ZNF195: variants seen among roughly 807,000 people sequenced by gnomAD.
ZNF195 encodes the protein zinc finger protein 195.
Under a neutral mutation model 19.5 loss-of-function variants are expected in ZNF195, and 11 were observed. The observed-to-expected ratio is 0.57, with a 90% confidence interval of 0.36 to 0.94. The LOEUF (loss-of-function observed/expected upper bound fraction) is 0.94. Ranked by LOEUF, ZNF195 falls within the 40% of genes least tolerant of loss-of-function variation. ZNF195 has a pLI of 0.01. For synonymous variants in ZNF195, 214 were observed against 248.1 expected, an observed-to-expected ratio of 0.86 and a Z score of 1.29; for missense variants, 582 against 709.0, an observed-to-expected ratio of 0.82 and a Z score of 2.03.
rs192970049 is a variant in ZNF195 at position 3,369,197 on chromosome 11, T to C, written c.226+1778A>G. ...GTAATTGTGGTTTTTGCCTTCTAAA[T>C]AGTAAGAAATACTCTTACTTTTGCG... is the stretch of plus-strand genomic sequence containing the variant. On this transcript the variant is annotated intron_variant, in intron 3 of 5. Coordinates refer to ENST00000399602, the MANE Select transcript of ZNF195 (RefSeq NM_001130520.3). 584 of 231,984 alleles carry C rather than the reference T, an allele frequency of 2.5e-3. 3 individuals carry two copies. Among genetic ancestry groups the C allele is most frequent in the African/African-American group, 0.012 (534 of 43,870 alleles). 14.4% of individuals were successfully genotyped at this position (231,984 alleles called of 1,614,324 possible).
chr11:3,364,961 A>ACC (rs1848796192), intron 3 of ZNF195, among the ~76,000 whole-genome samples: 1 of 152,228 alleles, frequency 6.6e-6, no homozygotes, highest in Admixed American at 6.5e-5. Flanking sequence ...ATAAAAAAAA[A>ACC]TTCCATGCAA....
intron 3 of ZNF195, among the ~76,000 whole-genome samples, chr11:3,366,323 T>C (rs1848885288): frequency 6.9e-6 from 1 of 143,954 alleles, no homozygotes; most frequent in African/African-American, 2.5e-5. Context: ...AGCAAATGCA[T>C]AAGCAACAAA....
At chr11:3,377,110 G>C (rs1404787098) in intron 1 of ZNF195, among the ~76,000 whole-genome samples, 1 of 152,168 alleles carries the variant, frequency 6.6e-6, no homozygotes, top group East Asian at 1.9e-4. Flanking sequence ...CTTTTTTCCT[G>C]AAATTGACCT....
intron 1 of ZNF195, chr11:3,377,886 G>GT (rs1849541675): frequency 1.0e-6 from 1 of 988,050 alleles, no homozygotes; most frequent in African/African-American, 1.7e-5. Flanking sequence ...AGACATTCTG[G>GT]TAAGGTGTCT....
chr11:3,362,642 CTTA>C (rs1564916010), intron 3 of ZNF195: 1 of 536,188 alleles, frequency 1.9e-6, no homozygotes, highest in Admixed American at 3.1e-5. Context: ...AGAGTCAAAG[CTTA>C]TTATACAAAG....
chr11:3,366,932 G>A (rs1351530238), intron 3 of ZNF195: 1 of 454,186 alleles, frequency 2.2e-6, no homozygotes, highest in Non-Finnish European at 4.4e-6. Flanking sequence ...GGGTGTGGCG[G>A]TGTGCCCCTG....
Position 3,358,963 on chromosome 11 carries a change from A to G in ZNF195, c.*155T>C. The G allele has an allele frequency of 9.8e-7, 1 of 1,015,242 alleles. No homozygotes were observed. The highest frequency in any genetic ancestry group is 1.3e-6 in the Non-Finnish European group (1 of 774,936). The allele number at this position is 1,015,242 out of a possible 1,614,324, so 62.9% of individuals were successfully genotyped here. On this transcript the variant is annotated 3_prime_UTR_variant, in exon 6 of 6. Coordinates refer to ENST00000399602, the MANE Select transcript of ZNF195 (RefSeq NM_001130520.3). ...AATTGTAACATTTTTTTCAGAAGAA[A>G]TACTCTTGTGTGCTCTGGAGACTTA...
chr11:3,377,066 GAGA>G (rs1454344910), intron 1 of ZNF195, among the ~76,000 whole-genome samples: 1 of 152,060 alleles, frequency 6.6e-6, no homozygotes, highest in East Asian at 1.9e-4. Flanking sequence ...AATCACTCTG[GAGA>G]AGAAAAAGGT....
intron 1 of ZNF195, 115 bp downstream of exon 1, chr11:3,378,923 C>T (rs1263805360): frequency 8.2e-7 from 1 of 1,226,584 alleles, no homozygotes; most frequent in African/African-American, 1.6e-5. Flanking sequence ...GCTGGAGGGG[C>T]CTCGGGTCCG....
chr11:3,362,727 G>C (rs1848692051), intron 3 of ZNF195: 1 of 378,890 alleles, frequency 2.6e-6, no homozygotes, highest in East Asian at 3.6e-5. Flanking sequence ...AATGGCTAAA[G>C]TACATCTTTT....
chr11:3,378,926 C>T (rs1485350956), intron 1 of ZNF195, 112 bp downstream of exon 1: 4 of 1,242,434 alleles, frequency 3.2e-6, no homozygotes, highest in African/African-American at 1.6e-5. Flanking sequence ...GGAGGGGCCT[C>T]GGGTCCGCGG....
At chr11:3,363,344 GAC>G (rs1760424640) in intron 3 of ZNF195, 3 of 152,068 alleles carry the variant, frequency 2.0e-5, no homozygotes, top group African/African-American at 7.2e-5. Context: ...CACAGCAGGA[GAC>G]ACACTCTTCC....
In ZNF195 at chr11:3,359,194, G is replaced by A. The variant is rs771748449; in HGVS notation, c.1814C>T (p.Pro605Leu). The A allele has an allele frequency of 1.2e-6, 2 of 1,613,656 alleles. No individual in the cohort carries two copies. Among genetic ancestry groups the A allele is most frequent in the Non-Finnish European group, 8.5e-7 (1 of 1,179,858 alleles). Residue 605 changes from proline to leucine, a missense_variant, in exon 6 of 6, where the codon CCC (proline) becomes CTC (leucine). Physicochemically the swap from Pro to Leu is moderately conservative, Grantham distance 98. Around this residue, in one of 3 missense-constraint regions of ZNF195, gnomAD observed 407 missense variants for 530.5 expected, o/e 0.77. Coordinates refer to ENST00000399602, the MANE Select transcript of ZNF195 (RefSeq NM_001130520.3). The surrounding 1 kb of genome is among the most constrained non-coding windows in gnomAD (Gnocchi z 5.5). ...TTTGCCACACTTTTCACACTTGTAG[G>A]GTTTCTCTCCAGTATGAATTCTCTT... The part of the protein sequence containing the change: ...VHKRIHTGEK[P>L]YKCEKCGKAF...
chr11:3,368,896 C>T (rs962017043), intron 3 of ZNF195: 27 of 452,306 alleles, frequency 6.0e-5, no homozygotes, highest in Non-Finnish European at 1.1e-4. Context: ...AATGAAATAG[C>T]CCATTTTTCT....
intron 1 of ZNF195, chr11:3,373,482 A>C (rs781547931): frequency 2.4e-5 from 23 of 961,834 alleles, no homozygotes; most frequent in Non-Finnish European, 3.4e-5. Context: ...CTATGGAGAA[A>C]CACCACAAGT....
At chr11:3,360,667 TA>T (rs1215094485) in intron 5 of ZNF195, 52 bp downstream of exon 5, 33 of 1,549,206 alleles carry the variant, frequency 2.1e-5, no homozygotes, top group Non-Finnish European at 2.8e-5. Context: ...CAAAATGGCA[TA>T]AAAAATACCA....
chr11:3,375,762 G>A (rs1240963325), intron 1 of ZNF195: 1 of 152,164 alleles, frequency 6.6e-6, no homozygotes, highest in Admixed American at 6.5e-5. Context: ...TTCCCATGTG[G>A]ATACCAATGA....
At chr11:3,373,625 C>T in intron 1 of ZNF195, 4 of 1,550,138 alleles carry the variant, frequency 2.6e-6, no homozygotes, top group Non-Finnish European at 3.5e-6. Flanking sequence ...CTGGGATTTC[C>T]TCTTAGGAAA....
intron 3 of ZNF195, chr11:3,362,780 A>C (rs1848694851): frequency 1.3e-5 from 4 of 318,678 alleles, no homozygotes; most frequent in Non-Finnish European, 2.3e-5. Context: ...CTACTCAATC[A>C]AAAGGCATAT....
Sources: gnomAD v4.1 joint callset for allele counts (sites outside exome capture counted in the v4.1 genomes callset) on GRCh38, gnomAD v4.1.1 for gene constraint, gnomAD v4.1.1 regional missense constraint, Gnocchi (gnomAD v3.1) non-coding constraint, MANE v1.5 for transcripts, NCBI Gene and HGNC (gene_info 2026-07-23, HGNC 2026-07-21) for gene names.